Variants in ICAM5 observed in about 807,000 individuals in gnomAD.
The protein encoded by ICAM5 is intercellular adhesion molecule 5, also known as ICAM-5.
ICAM5 carries 38 observed loss-of-function variants against 78.8 expected under a neutral mutation model. That is an observed-to-expected ratio of 0.48 (90% CI 0.37 to 0.63). ICAM5 has a LOEUF of 0.63. Among genes scored for constraint, ICAM5 ranks in the 30% least tolerant of loss-of-function variants. ICAM5 has a pLI of 0.00. For synonymous variants in ICAM5, 544 were observed against 590.9 expected (o/e 0.92, Z 1.15); for missense variants, 1,059 against 1,303.0 (o/e 0.81, Z 2.88).
chr19:10,291,557 A>G lies in ICAM5; in HGVS notation c.421A>G (p.Ser141Gly). 6.2e-7 allele frequency: 1 copy of G among 1,612,500 alleles called. No individual in the cohort carries two copies. The highest frequency in any genetic ancestry group is 1.3e-5 in the African/African-American group (1 of 75,024). ...GCCGGTGGGCGAGAACTTCACCCTGAGCTGTAGGGTCCCCGGCGCCGGGCC... is the reference window on the plus strand; with the variant it reads ...GCCGGTGGGCGAGAACTTCACCCTGGGCTGTAGGGTCCCCGGCGCCGGGCC... ...WQPVGENFTL[S>G]CRVPGAGPRA... The change falls in exon 3 of 11, where the codon AGC (serine) becomes GGC (glycine). Residue 141 changes from serine (S) to glycine (G), a missense_variant. Ser to Gly is a moderately conservative substitution (Grantham distance 56). Coordinates refer to ENST00000221980, the MANE Select transcript of ICAM5 (RefSeq NM_003259.4).
Position 10,294,438 on chromosome 19 carries a change from C to T in ICAM5, c.2028C>T (p.His676=). The change falls in exon 9 of 11, where the codon CAC becomes CAT. Residue 676 remains histidine (H), a synonymous_variant. Transcript: ENST00000221980. The surrounding 1 kb of genome is among the most constrained non-coding windows in gnomAD (Gnocchi z 7.7). ...TGGATGAATCTACCTGCCCAAGTCA[C>T]CAGACGTGGCTGGAAGGGGCTGAGG... ...PEMDESTCPS[H]QTWLEGAEAS... is the part of the protein sequence containing the mutation. The T allele has an allele frequency of 6.2e-7, 1 of 1,611,366 alleles. No individual in the cohort carries two copies. The highest frequency in any genetic ancestry group is 8.5e-7 in the Non-Finnish European group (1 of 1,179,110).
Position 10,290,232 on chromosome 19 carries a change from C to A in ICAM5, c.82+107C>A. On this transcript the variant is annotated intron_variant, in intron 1 of 10. Coordinates refer to ENST00000221980, the MANE Select transcript of ICAM5 (RefSeq NM_003259.4). The surrounding 1 kb of genome is among the most constrained non-coding windows in gnomAD (Gnocchi z 5.7). ...GCTCTGCCCTCGCCTCGCTCCCACGCCTCTGCCCCCACCTCGAGCCTGAGT... is the reference window on the plus strand; with the variant it reads ...GCTCTGCCCTCGCCTCGCTCCCACGACTCTGCCCCCACCTCGAGCCTGAGT... 1.3e-6 allele frequency: 1 copy of A among 779,738 alleles called. No individual in the cohort carries two copies. Among genetic ancestry groups the A allele is most frequent in the Non-Finnish European group, 1.9e-6 (1 of 515,984 alleles). The allele number at this position is 779,738 out of a possible 1,614,324, so 48.3% of individuals were successfully genotyped here.
chr19:10,292,467 G>A (rs2040182294), intron 4 of ICAM5, 145 bp downstream of exon 4: 1 of 1,367,668 alleles, frequency 7.3e-7, no homozygotes, highest in Non-Finnish European at 9.9e-7. Context: ...AATCGCTGGG[G>A]AGGAGGAGCC....
rs373265158 is a variant in ICAM5, at chr19:10,292,748, C to G, written c.1098C>G (p.Ala366=). ...GVPAAVPGQP[A]QLQLNATEND... ...CAGCCGCGGTCCCGGGGCAGCCCGC[C>G]CAGCTTCAGCTAAATGCCACCGAGA... The change falls in exon 5 of 11, where the codon GCC becomes GCG. Residue 366 remains alanine, a synonymous_variant. Coordinates refer to ENST00000221980, the MANE Select transcript of ICAM5 (RefSeq NM_003259.4). The G allele has an allele frequency of 5.6e-6, 9 of 1,611,984 alleles. No individual in the cohort carries two copies. The highest frequency in any genetic ancestry group is 1.3e-5 in the African/African-American group (1 of 74,426).
chr19:10,296,554 G>A lies in ICAM5; in HGVS notation c.2713G>A (p.Gly905Arg), dbSNP rs2040222328. 3 of 1,220,604 alleles carry A rather than the reference G, an allele frequency of 2.5e-6. No individual in the cohort carries two copies. Among genetic ancestry groups the A allele is most frequent in the Non-Finnish European group, 3.1e-6 (3 of 972,894 alleles). 75.6% of individuals were successfully genotyped at this position (1,220,604 alleles called of 1,614,324 possible). Residue 905 changes from glycine to arginine, a missense_variant, in exon 11 of 11, where the codon GGG (glycine) becomes AGG (arginine). This residue lies in a region of ICAM5 where 109 missense variants were observed against 120.0 expected (regional missense o/e 0.91). Transcript: ENST00000221980. ...CGCGGAGGGCGGACCCGAGGCGGCG[G>A]GGGGCGCGGCCGAGTCGCCGGCGGA... ...AGAEGGPEAA[G>R]GAAESPAEGE...
Position 10,294,235 on chromosome 19 carries a change from G to A in ICAM5, c.1907G>A (p.Arg636Lys), listed in dbSNP as rs746170713. 2 of 1,614,010 alleles carry A rather than the reference G, an allele frequency of 1.2e-6. No homozygotes were observed. Among genetic ancestry groups the A allele is most frequent in the Non-Finnish European group, 1.7e-6 (2 of 1,180,008 alleles). ...AGTCCCAGAGCTCCCAGAATCCCTA[G>A]AGTCCTGGCACCCGGTATCTACGTC... is the stretch of plus-strand genomic sequence containing the variant. ...DPSPRAPRIP[R>K]VLAPGIYVCN... The change falls in exon 8 of 11, where the codon AGA becomes AAA. Residue 636 changes from arginine to lysine, a missense_variant. Coordinates refer to ENST00000221980, the MANE Select transcript of ICAM5 (RefSeq NM_003259.4). This position sits in a 1 kb window ranked among gnomAD's most constrained non-coding sequence, Gnocchi z 7.7.
At chr19:10,295,959 T>A (rs885743) in intron 10 of ICAM5, among the ~76,000 whole-genome samples, 53,528 of 151,762 alleles carry the variant, frequency 0.35, 10,928 homozygotes, top group Admixed American at 0.5. Context: ...TCATTGGATG[T>A]TGGAGGGAGA....
At chr19:10,292,522 G>A (rs2040182679) in intron 4 of ICAM5, 90 bp from the exon 5 acceptor site, 1 of 1,487,730 alleles carries the variant, frequency 6.7e-7, no homozygotes, top group Non-Finnish European at 9.0e-7. Context: ...TTCGTTCTCA[G>A]CACCCCGAGG....
At position 10,290,398 on chromosome 19, in the gene ICAM5, G is replaced by A. The variant is rs1023711425; in HGVS notation, c.82+273G>A. The A allele has an allele frequency of 2.4e-6, 1 of 422,880 alleles. No homozygotes were observed. 26.2% of individuals were successfully genotyped at this position (422,880 alleles called of 1,614,324 possible). A position where few individuals can be genotyped will look rare whatever the true frequency, so the allele number is the denominator to read the frequency against. On this transcript the variant is annotated intron_variant, in intron 1 of 10. Coordinates refer to ENST00000221980, the MANE Select transcript of ICAM5 (RefSeq NM_003259.4). This position sits in a 1 kb window ranked among gnomAD's most constrained non-coding sequence, Gnocchi z 5.7. Reference sequence around the variant, plus strand: ...TGGAGACCCAGTGTCTCTCCTGTCCGCTCCCCGGGTACCTCCTTACGCTGT... The same window carrying A: ...TGGAGACCCAGTGTCTCTCCTGTCCACTCCCCGGGTACCTCCTTACGCTGT...
Position 10,290,822 on chromosome 19 carries a change from C to T in ICAM5, c.83-250C>T. 1 of 580,696 alleles carries T rather than the reference C, an allele frequency of 1.7e-6. No homozygotes were observed. The allele number at this position is 580,696 out of a possible 1,614,324, so 36.0% of individuals were successfully genotyped here. ...CTCTACGCCCTCCCCCCATGCTTTC[C>T]CGCCGCTCCATCGGCGCTTTGGAGA... On this transcript the variant is annotated intron_variant, in intron 1 of 10. Transcript: ENST00000221980. The surrounding 1 kb of genome is among the most constrained non-coding windows in gnomAD (Gnocchi z 5.7).
At position 10,293,562 on chromosome 19, in the gene ICAM5, G is replaced by A; in HGVS notation, c.1466-136G>A. 7.9e-7 allele frequency: 1 copy of A among 1,265,984 alleles called. No homozygotes were observed. Among genetic ancestry groups the A allele is most frequent in the Non-Finnish European group, 1.1e-6 (1 of 921,080 alleles). The allele number at this position is 1,265,984 out of a possible 1,614,324, so 78.4% of individuals were successfully genotyped here. On this transcript the variant is annotated intron_variant, in intron 6 of 10. Transcript: ENST00000221980. The surrounding 1 kb of genome is among the most constrained non-coding windows in gnomAD (Gnocchi z 5.0). Reference sequence around the variant, plus strand: ...AGACAGAGTGCATGCCTCGACTAGCGTGACACCTCCTTGGATCGGCGTCCA... The same window carrying A: ...AGACAGAGTGCATGCCTCGACTAGCATGACACCTCCTTGGATCGGCGTCCA...
Position 10,290,582 on chromosome 19 carries a change from A to G in ICAM5, c.82+457A>G. On this transcript the variant is annotated intron_variant, in intron 1 of 10. Coordinates refer to ENST00000221980, the MANE Select transcript of ICAM5 (RefSeq NM_003259.4). This position sits in a 1 kb window ranked among gnomAD's most constrained non-coding sequence, Gnocchi z 5.7. ...TTCCCGCGGTTCCTTCCATGAGCCC[A>G]GCCTTGCGTCCCGGCTCCGTGTTCT... 5.0e-6 allele frequency: 1 copy of G among 200,736 alleles called. No homozygotes were observed. The highest frequency in any genetic ancestry group is 1.0e-5 in the Non-Finnish European group (1 of 99,568). The allele number at this position is 200,736 out of a possible 1,614,324, so 12.4% of individuals were successfully genotyped here.
rs1411918519 is a variant in ICAM5, at chr19:10,294,009, C to T, written c.1712-31C>T. The T allele has an allele frequency of 1.3e-6, 2 of 1,588,696 alleles. No individual in the cohort carries two copies. Among genetic ancestry groups the T allele is most frequent in the Non-Finnish European group, 1.7e-6 (2 of 1,164,740 alleles). On this transcript the variant is annotated intron_variant, in intron 7 of 10. Transcript: ENST00000221980. The surrounding 1 kb of genome is among the most constrained non-coding windows in gnomAD (Gnocchi z 7.7). ...CAACCCCGGCTGGACTTCCTGGCCC[C>T]CGTGTGAGCCCCTGCAATCCTGTTT...
Position 10,290,942 on chromosome 19 carries a change from G to A in ICAM5, c.83-130G>A. 4.9e-6 allele frequency: 6 copies of A among 1,236,452 alleles called. No homozygotes were observed. Among genetic ancestry groups the A allele is most frequent in the African/African-American group, 1.5e-5 (1 of 65,928 alleles). The allele number at this position is 1,236,452 out of a possible 1,614,324, so 76.6% of individuals were successfully genotyped here. ...CGGAGGCCTGGGCAGGACGCGGGAC[G>A]CCTGGGTTCTTTCCCTGGCTGCAGC... On this transcript the variant is annotated intron_variant, in intron 1 of 10. Coordinates refer to ENST00000221980, the MANE Select transcript of ICAM5 (RefSeq NM_003259.4). This position sits in a 1 kb window ranked among gnomAD's most constrained non-coding sequence, Gnocchi z 5.7.
At position 10,294,266 on chromosome 19, in the gene ICAM5, C is replaced by G. The variant is rs776074465; in HGVS notation, c.1938C>G (p.Asn646Lys). The G allele has an allele frequency of 1.2e-6, 2 of 1,613,510 alleles. No homozygotes were observed. The highest frequency in any genetic ancestry group is 3.3e-5 in the Admixed American group (2 of 59,906). Reference sequence around the variant, plus strand: ...TGGCACCCGGTATCTACGTCTGCAACGCCACCAACCGCCACGGCTCCGTGG... The same window carrying G: ...TGGCACCCGGTATCTACGTCTGCAAGGCCACCAACCGCCACGGCTCCGTGG... The part of the protein sequence containing the change: ...RVLAPGIYVC[N>K]ATNRHGSVAK... Residue 646 changes from asparagine (N) to lysine (K), a missense_variant, in exon 8 of 11, where the codon AAC becomes AAG. This residue lies in a region of ICAM5 where 815 missense variants were observed against 952.8 expected (regional missense o/e 0.86). Coordinates refer to ENST00000221980, the MANE Select transcript of ICAM5 (RefSeq NM_003259.4). The surrounding 1 kb of genome is among the most constrained non-coding windows in gnomAD (Gnocchi z 7.7).
rs781371355 is a variant in ICAM5 at position 10,291,616 on chromosome 19, C to A, written c.480C>A (p.Gly160=). 4 of 1,611,474 alleles carry A rather than the reference C, an allele frequency of 2.5e-6. No individual in the cohort carries two copies. The highest frequency in any genetic ancestry group is 2.7e-5 in the African/African-American group (2 of 74,912). Residue 160 remains glycine (G), a synonymous_variant, in exon 3 of 11, where the codon GGC becomes GGA. Transcript: ENST00000221980. ...RASLTLTLLR[G]AQELIRRSFA... ...GCCTCACGCTGACCCTGCTGCGGGG[C>A]GCCCAGGAGCTGATCCGCCGCAGCT...
rs1257244606 is a variant in ICAM5 at position 10,291,334 on chromosome 19, C to T, written c.345C>T (p.Arg115=). 6.2e-7 allele frequency: 1 copy of T among 1,607,714 alleles called. No homozygotes were observed. Among genetic ancestry groups the T allele is most frequent in the African/African-American group, 1.3e-5 (1 of 74,822 alleles). ...RRTLQARGLI[R]TFQRPDRVEL... is the part of the protein sequence containing the mutation. ...CACTACAGGCGCGTGGGCTCATTCGCACTTTCCGTGAGTTCTGGGTGGCCA... is the reference window on the plus strand; with the variant it reads ...CACTACAGGCGCGTGGGCTCATTCGTACTTTCCGTGAGTTCTGGGTGGCCA... Residue 115 remains arginine (R), a synonymous_variant, in exon 2 of 11, where the codon CGC becomes CGT. Coordinates refer to ENST00000221980, the MANE Select transcript of ICAM5 (RefSeq NM_003259.4).
Position 10,293,390 on chromosome 19 carries a change from A to G in ICAM5, c.1465+144A>G, listed in dbSNP as rs1599280397. On this transcript the variant is annotated intron_variant, in intron 6 of 10. Transcript: ENST00000221980. The surrounding 1 kb of genome is among the most constrained non-coding windows in gnomAD (Gnocchi z 5.0). ...GGAAGAGGCTGGTTAGTGGGGTTGG[A>G]GAAAGATCTTGGAGGATGGAAGGGA... The G allele has an allele frequency of 8.3e-7, 1 of 1,197,702 alleles. No individual in the cohort carries two copies. The highest frequency in any genetic ancestry group is 1.1e-6 in the Non-Finnish European group (1 of 871,756). 74.2% of individuals were successfully genotyped at this position (1,197,702 alleles called of 1,614,324 possible).
chr19:10,292,649 C>A lies in ICAM5; in HGVS notation c.999C>A (p.Ser333Arg). 1 of 1,597,526 alleles carries A rather than the reference C, an allele frequency of 6.3e-7. No individual in the cohort carries two copies. The highest frequency in any genetic ancestry group is 1.3e-5 in the African/African-American group (1 of 74,288). Residue 333 changes from serine to arginine, a missense_variant, in exon 5 of 11, where the codon AGC (serine) becomes AGA (arginine). By Grantham distance (110) the Ser-to-Arg change is moderately radical. Coordinates refer to ENST00000221980, the MANE Select transcript of ICAM5 (RefSeq NM_003259.4). The stretch of plus-strand genomic sequence containing the variant: ...CACTCCTGACCCTGAGCGAACCCAG[C>A]GTCTCCGAGGGGCAGATGGTGACAG... ...PAPLLTLSEPSVSEGQMVTVT... is the reference protein window; with the variant it reads ...PAPLLTLSEPRVSEGQMVTVT...
Sources: gnomAD v4.1 joint callset for allele counts (sites outside exome capture counted in the v4.1 genomes callset) on GRCh38, gnomAD v4.1.1 for gene constraint, gnomAD v4.1.1 regional missense constraint, Gnocchi (gnomAD v3.1) non-coding constraint, MANE v1.5 for transcripts, NCBI Gene and HGNC (gene_info 2026-07-23, HGNC 2026-07-21) for gene names.